The following SAMD5 variants were observed in gnomAD, a reference collection of about 807,000 sequenced individuals.
SAMD5 encodes the protein sterile alpha motif domain-containing protein 5.
In SAMD5, 13 loss-of-function variants were observed where a neutral mutation model predicts 11.3. The observed-to-expected ratio is 1.15, with a 90% CI of 0.75 to 1.83. SAMD5 has a LOEUF of 1.83. Ranked by LOEUF, SAMD5 falls within the 40% of genes most tolerant of loss-of-function variation. The pLI is 0.00. For synonymous variants in SAMD5, 129 were observed against 111.3 expected (o/e 1.16, Z -1.00); for missense variants, 255 against 239.1 (o/e 1.07, Z -0.44).
chr6:147,620,939 T>C (rs1445204807), intron 1 of SAMD5, among the ~76,000 whole-genome samples: 1 of 150,320 alleles, frequency 6.7e-6, no homozygotes, highest in Non-Finnish European at 1.5e-5. Context: ...TATGTTTGTG[T>C]GTGTATGACT....
At chr6:147,900,638 CCT>C in the SAMD5 span, among the ~76,000 whole-genome samples, 4 of 152,098 alleles carry the variant, frequency 2.6e-5, no homozygotes, top group East Asian at 1.9e-4. Context: ...AAACAGAAAC[CCT>C]CTCTGTTTTT....
At chr6:147,826,597 T>G in the SAMD5 span, among the ~76,000 whole-genome samples, 1 of 152,222 alleles carries the variant, frequency 6.6e-6, no homozygotes, top group Admixed American at 6.5e-5. Flanking sequence ...TTCGTTTTCA[T>G]ATTTCTCATC....
chr6:147,590,896 A>G (rs1226737394), intron 1 of SAMD5, among the ~76,000 whole-genome samples: 1 of 152,172 alleles, frequency 6.6e-6, no homozygotes, highest in Non-Finnish European at 1.5e-5. Flanking sequence ...TTATTTTTAA[A>G]ATGTGGTCAA....
intron 1 of SAMD5, among the ~76,000 whole-genome samples, chr6:147,607,009 T>C (rs1262085464): frequency 6.6e-6 from 1 of 151,200 alleles, no homozygotes; most frequent in Non-Finnish European, 1.5e-5. Context: ...GTCCTTGCCT[T>C]CTGCTTTTCA....
chr6:147,780,353 G>A, the SAMD5 span, among the ~76,000 whole-genome samples: 7 of 151,904 alleles, frequency 4.6e-5, 1 homozygote, highest in African/African-American at 1.7e-4. Context: ...GATTATAGAT[G>A]CCCGCCACCA....
Position 147,516,931 on chromosome 6 carries a change from C to T in SAMD5, c.459+7544C>T, listed in dbSNP as rs1055163912. Among the ~76,000 whole-genome samples the T allele has an allele frequency of 9.2e-5, 14 of 152,142 alleles. 1 individual carries two copies. Among genetic ancestry groups the T allele is most frequent in the Admixed American group, 3.3e-4 (5 of 15,280 alleles). On this transcript the variant is annotated intron_variant, in intron 1 of 1. Transcript: ENST00000367474. The stretch of plus-strand genomic sequence containing the variant: ...GCTTTCAAAATTCAAAGAGGCTCAC[C>T]GGATATTATGTGTCCTTCTTGGTTG...
downstream of SAMD5, among the ~76,000 whole-genome samples, chr6:147,740,164 G>A (rs1444990854): frequency 1.3e-5 from 2 of 152,074 alleles, no homozygotes; most frequent in Admixed American, 6.6e-5. Flanking sequence ...TTACATTAAA[G>A]TATTTACATT....
the SAMD5 span, among the ~76,000 whole-genome samples, chr6:147,863,339 C>T: frequency 6.6e-6 from 1 of 152,126 alleles, no homozygotes; most frequent in African/African-American, 2.4e-5. Context: ...GGAGACTGGG[C>T]TACCCTCAAG....
chr6:147,540,440 G>A (rs974252123), intron 1 of SAMD5, among the ~76,000 whole-genome samples: 3 of 152,120 alleles, frequency 2.0e-5, no homozygotes, highest in East Asian at 1.9e-4. Context: ...TCTGGATGGC[G>A]GAAACCAAGA....
At chr6:147,678,270 A>G (rs1790893011) in intron 1 of SAMD5, among the ~76,000 whole-genome samples, 1 of 97,554 alleles carries the variant, frequency 1.0e-5, no homozygotes, top group African/African-American at 3.2e-5. Flanking sequence ...AGGATTTACA[A>G]AGAATAACAA....
At chr6:147,590,640 T>G (rs966720977) in intron 1 of SAMD5, among the ~76,000 whole-genome samples, 6 of 152,174 alleles carry the variant, frequency 3.9e-5, no homozygotes, top group Non-Finnish European at 8.8e-5. Context: ...CTCGAACTCC[T>G]GAGTTCAAGT....
intron 1 of SAMD5, among the ~76,000 whole-genome samples, chr6:147,616,786 G>A (rs771013258): frequency 6.6e-6 from 1 of 152,160 alleles, no homozygotes. Context: ...TCTTCACAAG[G>A]CAGCAGGAAA....
intron 1 of SAMD5, among the ~76,000 whole-genome samples, chr6:147,650,427 C>T (rs1442314403): frequency 6.6e-6 from 1 of 152,188 alleles, no homozygotes; most frequent in Admixed American, 6.5e-5. Context: ...ATTGGGGAAA[C>T]TGCAAAAGGC....
intron 1 of SAMD5, among the ~76,000 whole-genome samples, chr6:147,575,058 C>G (rs1789198573): frequency 6.6e-6 from 1 of 152,166 alleles, no homozygotes; most frequent in South Asian, 2.1e-4. Context: ...ATAGAGTTAT[C>G]TTAGGCTTAT....
intron 1 of SAMD5, among the ~76,000 whole-genome samples, chr6:147,598,754 C>T (rs1485478173): frequency 6.6e-6 from 1 of 152,170 alleles, no homozygotes; most frequent in Non-Finnish European, 1.5e-5. Context: ...CATCAATCTG[C>T]ACCTACTGTG....
chr6:147,602,508 C>T (rs1285730774), intron 1 of SAMD5, among the ~76,000 whole-genome samples: 1 of 152,134 alleles, frequency 6.6e-6, no homozygotes, highest in African/African-American at 2.4e-5. Flanking sequence ...CTTTGGGAGG[C>T]CAAGGTGGGT....
intron 1 of SAMD5, among the ~76,000 whole-genome samples, chr6:147,679,900 A>G (rs1001845652): frequency 6.6e-6 from 1 of 151,984 alleles, no homozygotes; most frequent in Non-Finnish European, 1.5e-5. Context: ...ACCCTTTTCA[A>G]AAATCAATTG....
chr6:147,711,863 T>C lies in SAMD5; in HGVS notation c.163-25454T>C, dbSNP rs1450048158. Among the ~76,000 whole-genome samples the C allele has an allele frequency of 4.6e-5, 7 of 152,302 alleles. No homozygotes were observed. The highest frequency in any genetic ancestry group is 3.9e-4 in the East Asian group (2 of 5,184). On this transcript the variant is annotated intron_variant, in intron 1 of 1. Coordinates refer to the SAMD5 transcript ENST00000566741. The surrounding 1 kb of genome is among the most constrained non-coding windows in gnomAD (Gnocchi z 4.1). ...CAAATGTCATGAATGGCTAATTGCT[T>C]GCCAATCGAAAGCCCTATTTACATA...
chr6:147,631,096 G>A (rs558391048), intron 1 of SAMD5, among the ~76,000 whole-genome samples: 1 of 152,252 alleles, frequency 6.6e-6, no homozygotes, highest in Admixed American at 6.5e-5. Flanking sequence ...ATTAGGGGCA[G>A]CATGGGAACC....
Sources: allele counts gnomAD v4.1 joint callset (sites outside exome capture counted in the v4.1 genomes callset), GRCh38; gene constraint gnomAD v4.1.1; non-coding constraint Gnocchi (gnomAD v3.1); transcripts MANE v1.5; gene names NCBI Gene and HGNC (gene_info 2026-07-23, HGNC 2026-07-21).